Variants in GLIS3 observed in about 807,000 individuals in gnomAD.
GLIS3 encodes the protein GLIS family zinc finger 3, also known as zinc finger protein GLIS3.
GLIS3 carries 53 observed loss-of-function variants against 78.6 expected under a neutral mutation model. The ratio of observed to expected loss-of-function variants is 0.67; its 90% CI spans 0.54 to 0.85. GLIS3 has a LOEUF of 0.85. Ranked by LOEUF, GLIS3 falls within the 40% of genes least tolerant of loss-of-function variation. The pLI is 0.00. For synonymous variants in GLIS3, 684 were observed against 509.9 expected, an observed-to-expected ratio of 1.34 and a Z score of -4.60; for missense variants, 1,703 against 1,231.1, an observed-to-expected ratio of 1.38 and a Z score of -5.74.
chr9:4,182,765 C>G (rs1817445705), intron 2 of GLIS3, among the ~76,000 whole-genome samples: 1 of 152,164 alleles, frequency 6.6e-6, no homozygotes, highest in South Asian at 2.1e-4. Flanking sequence ...CTTGAAAACG[C>G]AATAGTAATG....
intron 6 of GLIS3, chr9:3,899,100 C>T: frequency 3.8e-6 from 2 of 525,350 alleles, no homozygotes; most frequent in Non-Finnish European, 6.9e-6. Flanking sequence ...GGCAACTCAA[C>T]TTCCTATTAT....
At chr9:3,908,837 G>A (rs1281344279) in intron 6 of GLIS3, among the ~76,000 whole-genome samples, 1 of 145,616 alleles carries the variant, frequency 6.9e-6, no homozygotes, top group East Asian at 2.1e-4. Flanking sequence ...CCAAGATTAA[G>A]TGAGTCAAGT....
rs59923144 is a variant in GLIS3, at chr9:3,860,272, C to CAAAAAAAAA, written c.2298-4097_2298-4089dup. Among the ~76,000 whole-genome samples the CAAAAAAAAA allele has an allele frequency of 5.8e-4, 31 of 53,608 alleles. 1 individual carries two copies. The highest frequency in any genetic ancestry group is 2.0e-3 in the East Asian group (3 of 1,512). 35.2% of individuals were successfully genotyped at this position (53,608 alleles called of 152,430 possible). On this transcript the variant is annotated intron_variant, in intron 8 of 10. Coordinates refer to ENST00000381971, the MANE Select transcript of GLIS3 (RefSeq NM_001042413.2). Reference sequence around the variant, plus strand: ...CCTGGGTGACAGAGCAAGACTCTGTCAAAAAAAAAAAAAAAAAAAAAAAAA... The same window carrying CAAAAAAAAA: ...CCTGGGTGACAGAGCAAGACTCTGTCAAAAAAAAAAAAAAAAAAAAAAAAAAAAAAAAAA...
At chr9:4,033,864 TAAAAAA>T (rs34745570) in intron 4 of GLIS3, among the ~76,000 whole-genome samples, 3 of 67,980 alleles carry the variant, frequency 4.4e-5, no homozygotes, top group African/African-American at 1.9e-4. Context: ...AGGCGAAGGA[TAAAAAA>T]AAAAAAAAAA....
chr9:4,028,128 C>T (rs1421751749), intron 4 of GLIS3, among the ~76,000 whole-genome samples: 1 of 152,160 alleles, frequency 6.6e-6, no homozygotes. Flanking sequence ...ACACCACGTG[C>T]CATAGAGAAT....
intron 1 of GLIS3, among the ~76,000 whole-genome samples, chr9:4,295,954 C>A (rs1032003152): frequency 2.0e-5 from 3 of 152,040 alleles, no homozygotes; most frequent in African/African-American, 7.2e-5. Flanking sequence ...CACAGATTTC[C>A]TATGTGCCTT....
Position 4,246,347 on chromosome 9 carries a change from G to A in GLIS3, c.388+39691C>T, listed in dbSNP as rs1587130187. The stretch of plus-strand genomic sequence containing the variant: ...GCATACACAAATCAACTTATATGAA[G>A]TTAGTCACTGCCCAGAGGAAGAAAC... On this transcript the variant is annotated intron_variant, in intron 2 of 10. Coordinates refer to ENST00000381971, the MANE Select transcript of GLIS3 (RefSeq NM_001042413.2). Among the ~76,000 whole-genome samples, 4 of 152,204 alleles carry A rather than the reference G, an allele frequency of 2.6e-5. No individual in the cohort carries two copies. The South Asian group carries it at 8.3e-4, about 31-fold the overall frequency.
the GLIS3 span, among the ~76,000 whole-genome samples, chr9:4,385,899 A>T: frequency 6.6e-6 from 1 of 152,072 alleles, no homozygotes; most frequent in African/African-American, 2.4e-5. Flanking sequence ...CCCGAAAGAG[A>T]TTCTAATCTC....
At chr9:4,164,438 C>A (rs1835727851) in intron 2 of GLIS3, among the ~76,000 whole-genome samples, 1 of 152,140 alleles carries the variant, frequency 6.6e-6, no homozygotes, top group African/African-American at 2.4e-5. Context: ...TGCAAAAGCT[C>A]ATTTCTTCAT....
At chr9:4,337,804 C>T (rs1817775256) in intron 2 of GLIS3, among the ~76,000 whole-genome samples, 1 of 152,148 alleles carries the variant, frequency 6.6e-6, no homozygotes, top group African/African-American at 2.4e-5. Flanking sequence ...CCAGGCTCCA[C>T]TATCCATCTT....
At chr9:4,429,999 T>C in the GLIS3 span, among the ~76,000 whole-genome samples, 1 of 151,748 alleles carries the variant, frequency 6.6e-6, no homozygotes, top group Non-Finnish European at 1.5e-5. Flanking sequence ...ATCCAGGTTA[T>C]CAGAATCCGA....
At chr9:4,320,938 C>T (rs1456479516) in intron 2 of GLIS3, among the ~76,000 whole-genome samples, 1 of 152,050 alleles carries the variant, frequency 6.6e-6, no homozygotes, top group African/African-American at 2.4e-5. Context: ...CCTGCTTGAG[C>T]ATTTTTCAAT....
intron 4 of GLIS3, among the ~76,000 whole-genome samples, chr9:4,091,078 G>A (rs1275376073): frequency 6.6e-6 from 1 of 152,146 alleles, no homozygotes; most frequent in South Asian, 2.1e-4. Flanking sequence ...TTTGAGGCTG[G>A]GCATGGTGGC....
chr9:4,487,728 C>T, the GLIS3 span, among the ~76,000 whole-genome samples: 2 of 151,888 alleles, frequency 1.3e-5, no homozygotes, highest in Non-Finnish European at 2.9e-5. Context: ...CGCTCTGTCA[C>T]CCAGGCTGGA....
intron 4 of GLIS3, among the ~76,000 whole-genome samples, chr9:4,091,657 G>C (rs1829514442): frequency 6.6e-6 from 1 of 152,070 alleles, no homozygotes; most frequent in Admixed American, 6.5e-5. Flanking sequence ...CGTATGGCGA[G>C]CATCCCCCTT....
At chr9:4,220,440 C>T (rs1399498476) in intron 2 of GLIS3, among the ~76,000 whole-genome samples, 2 of 152,162 alleles carry the variant, frequency 1.3e-5, no homozygotes, top group Non-Finnish European at 2.9e-5. Context: ...GTATCTTAGC[C>T]AAGGGATAGA....
chr9:3,991,698 T>G (rs1820267249), intron 4 of GLIS3, among the ~76,000 whole-genome samples: 1 of 138,290 alleles, frequency 7.2e-6, no homozygotes, highest in East Asian at 2.1e-4. Context: ...TTTTTTTTTT[T>G]TTTTTTTTTT....
intron 4 of GLIS3, among the ~76,000 whole-genome samples, chr9:4,011,615 C>T (rs1332145589): frequency 2.6e-5 from 4 of 152,146 alleles, no homozygotes; most frequent in East Asian, 3.9e-4. Flanking sequence ...TGAATAGTGG[C>T]GAACTGCCCT....
chr9:4,027,587 A>G (rs540685487), intron 4 of GLIS3, among the ~76,000 whole-genome samples: 137 of 152,314 alleles, frequency 9.0e-4, no homozygotes, highest in African/African-American at 3.2e-3. Flanking sequence ...TGAGCCTGGA[A>G]CATGCTATAT....
Sources: gnomAD v4.1 joint callset for allele counts (sites outside exome capture counted in the v4.1 genomes callset) on GRCh38, gnomAD v4.1.1 for gene constraint, MANE v1.5 for transcripts, NCBI Gene and HGNC (gene_info 2026-07-23, HGNC 2026-07-21) for gene names.